NPEPPS: variants seen among roughly 807,000 people sequenced by gnomAD.
NPEPPS encodes puromycin-sensitive aminopeptidase.
Under a neutral mutation model 115.5 loss-of-function variants are expected in NPEPPS, and 14 were observed. The observed-to-expected ratio is 0.12, with a 90% CI of 0.08 to 0.19. NPEPPS has a LOEUF of 0.19. Among genes scored for constraint, NPEPPS ranks in the 10% least tolerant of loss-of-function variants. NPEPPS has a pLI of 1.00. For missense variants in NPEPPS, 523 were observed against 1,110.8 expected, an observed-to-expected ratio of 0.47 and a Z score of 7.52; for synonymous variants, 285 against 390.6, an observed-to-expected ratio of 0.73 and a Z score of 3.19.
chr17:47,536,488 G>A (rs1490864486), intron 1 of NPEPPS, among the ~76,000 whole-genome samples: 1 of 148,238 alleles, frequency 6.7e-6, no homozygotes, highest in Non-Finnish European at 1.5e-5. Context: ...TGCCCCCCCA[G>A]GTTCAAGCAA....
At chr17:47,586,697 C>T (rs1912205172) in intron 8 of NPEPPS, 3 of 514,050 alleles carry the variant, frequency 5.8e-6, no homozygotes, top group Middle Eastern at 2.9e-4. Flanking sequence ...GGAGAACCTT[C>T]CCTAATTTCA....
chr17:47,597,208 G>A (rs1447804351), intron 13 of NPEPPS, among the ~76,000 whole-genome samples: 1 of 152,170 alleles, frequency 6.6e-6, no homozygotes, highest in East Asian at 1.9e-4. Flanking sequence ...AATGTTGGTT[G>A]GATGGCAGTG....
chr17:47,527,873 CG>C (rs1567828798), upstream of NPEPPS, among the ~76,000 whole-genome samples: 2 of 149,612 alleles, frequency 1.3e-5, no homozygotes, highest in Non-Finnish European at 3.0e-5. Context: ...CGCTTGAACC[CG>C]GGGGGCAGAG....
intron 2 of NPEPPS, among the ~76,000 whole-genome samples, chr17:47,568,975 A>C (rs546238343): frequency 1.8e-4 from 28 of 152,206 alleles, no homozygotes; most frequent in African/African-American, 6.5e-4. Flanking sequence ...ATTTTACCAG[A>C]AGTGGGTATG....
Position 47,612,373 on chromosome 17 carries a change from A to G in NPEPPS, c.2096-87A>G, listed in dbSNP as rs1913924186. ...GTTTGTTCAAGACCATAGAATTGGT[A>G]TAGCACAATTATAAGATATCCAAAT... is the stretch of plus-strand genomic sequence containing the variant. On this transcript the variant is annotated intron_variant, in intron 17 of 22. Coordinates refer to ENST00000322157, the MANE Select transcript of NPEPPS (RefSeq NM_006310.4). 8 of 1,355,044 alleles carry G rather than the reference A, an allele frequency of 5.9e-6. 1 individual carries two copies. In the South Asian group the frequency reaches 6.4e-5, roughly 11 times the overall value. 83.9% of individuals were successfully genotyped at this position (1,355,044 alleles called of 1,614,324 possible).
intron 1 of NPEPPS, among the ~76,000 whole-genome samples, chr17:47,542,374 C>T (rs1165591206): frequency 6.6e-6 from 1 of 152,052 alleles, no homozygotes; most frequent in East Asian, 1.9e-4. Context: ...TGGAGAAACC[C>T]CGTCTCTACT....
chr17:47,619,439 A>T, intron 21 of NPEPPS: 1 of 509,636 alleles, frequency 2.0e-6, no homozygotes, highest in Non-Finnish European at 3.5e-6. Flanking sequence ...CTGTAATCCC[A>T]GCTACTTGGG....
chr17:47,588,526 T>C (rs1056098281), intron 9 of NPEPPS, among the ~76,000 whole-genome samples: 15 of 151,500 alleles, frequency 9.9e-5, no homozygotes, highest in African/African-American at 2.9e-4. Flanking sequence ...ATCACGCCAC[T>C]GCACTCCAGC....
chr17:47,549,118 G>A (rs913153506), intron 2 of NPEPPS, among the ~76,000 whole-genome samples: 26 of 151,732 alleles, frequency 1.7e-4, no homozygotes, highest in Non-Finnish European at 2.8e-4. Context: ...GCTGTGGCGG[G>A]TGGATCATGA....
intron 1 of NPEPPS, among the ~76,000 whole-genome samples, chr17:47,531,860 G>A (rs1439449913): frequency 6.6e-6 from 1 of 152,178 alleles, no homozygotes; most frequent in African/African-American, 2.4e-5. Context: ...ACACCTGTGT[G>A]GGGCTTTCCC....
chr17:47,568,096 C>G (rs543018095), intron 2 of NPEPPS, among the ~76,000 whole-genome samples: 1 of 152,050 alleles, frequency 6.6e-6, no homozygotes, highest in African/African-American at 2.4e-5. Context: ...CCAAAAGTGG[C>G]TGCACCATTT....
chr17:47,595,635 GA>G (rs1912816359), intron 12 of NPEPPS, among the ~76,000 whole-genome samples: 1 of 151,920 alleles, frequency 6.6e-6, no homozygotes, highest in Non-Finnish European at 1.5e-5. Context: ...TTGAGCCCGG[GA>G]TTTTGAGACC....
chr17:47,594,568 G>A (rs1456441904), intron 12 of NPEPPS, among the ~76,000 whole-genome samples: 3 of 147,532 alleles, frequency 2.0e-5, no homozygotes, highest in Middle Eastern at 3.5e-3. Flanking sequence ...GTGCCACCAC[G>A]GCCGGCTAAT....
intron 17 of NPEPPS, among the ~76,000 whole-genome samples, chr17:47,605,804 G>C (rs936609231): frequency 1.3e-5 from 2 of 152,200 alleles, no homozygotes; most frequent in African/African-American, 4.8e-5. Context: ...GTCTTTTGCA[G>C]AATTCCAAAG....
rs750008899 is a variant in NPEPPS at position 47,599,094 on chromosome 17, T to C, written c.1537-582T>C. ...GCTGTGTAACATATCTTGATTATGA[T>C]CTGTTTCTCACTTTACATTCCCCAA... On this transcript the variant is annotated intron_variant, in intron 13 of 22. Coordinates refer to ENST00000322157, the MANE Select transcript of NPEPPS (RefSeq NM_006310.4). Among the ~76,000 whole-genome samples, 4 of 152,352 alleles carry C rather than the reference T, an allele frequency of 2.6e-5. No individual in the cohort carries two copies. In the East Asian group the frequency reaches 7.7e-4, roughly 29 times the overall value.
intron 6 of NPEPPS, 129 bp from the exon 7 acceptor site, chr17:47,586,019 G>GT: frequency 9.8e-7 from 1 of 1,019,136 alleles, no homozygotes; most frequent in Non-Finnish European, 1.4e-6. Context: ...TCTTCGGAGG[G>GT]TAGGGCTCCT....
At chr17:47,611,536 G>C (rs1428303758) in intron 17 of NPEPPS, among the ~76,000 whole-genome samples, 1 of 151,472 alleles carries the variant, frequency 6.6e-6, no homozygotes, top group African/African-American at 2.4e-5. Flanking sequence ...GCTCACTACA[G>C]CTTCAACCTC....
At position 47,531,507 on chromosome 17, in the gene NPEPPS, C is replaced by T; in HGVS notation, c.207C>T (p.Pro69=). The change falls in exon 1 of 23, where the codon CCC becomes CCT. Residue 69 remains proline (P), a synonymous_variant. Coordinates refer to ENST00000322157, the MANE Select transcript of NPEPPS (RefSeq NM_006310.4). ...SPINYSLCLK[P]DLLDFTFEGK... ...TCAACTACAGCCTTTGCCTCAAGCC[C>T]GACTTGCTGGACTTCACCTTCGAGG... The T allele has an allele frequency of 6.2e-7, 1 of 1,608,942 alleles. No individual in the cohort carries two copies. The highest frequency in any genetic ancestry group is 8.5e-7 in the Non-Finnish European group (1 of 1,178,624).
chr17:47,576,178 A>G (rs1477548221), intron 3 of NPEPPS, among the ~76,000 whole-genome samples: 16 of 152,202 alleles, frequency 1.1e-4, no homozygotes. Context: ...TTAAATTACC[A>G]TAATTATTGT....
Sources: gnomAD v4.1 joint callset for allele counts (sites outside exome capture counted in the v4.1 genomes callset) on GRCh38, gnomAD v4.1.1 for gene constraint, MANE v1.5 for transcripts, NCBI Gene and HGNC (gene_info 2026-07-23, HGNC 2026-07-21) for gene names.